The following POMGNT1 variants were observed in gnomAD, a reference collection of about 807,000 sequenced individuals.
The protein encoded by POMGNT1 is protein O-linked-mannose beta-1,2-N-acetylglucosaminyltransferase 1.
A neutral mutation model predicts 95.6 loss-of-function variants in POMGNT1; 67 were observed. That is an observed-to-expected ratio of 0.70 (90% CI 0.58 to 0.86). The LOEUF (loss-of-function observed/expected upper bound fraction) is 0.86. Ranked by LOEUF, POMGNT1 falls within the 40% of genes least tolerant of loss-of-function variation. The pLI is 0.00. For synonymous variants in POMGNT1, 298 were observed against 317.9 expected, an observed-to-expected ratio of 0.94 and a Z score of 0.66; for missense variants, 719 against 855.2, an observed-to-expected ratio of 0.84 and a Z score of 1.99.
chr1:46,196,845 C>T lies in POMGNT1; in HGVS notation c.240G>A (p.Glu80=), dbSNP rs1003665996. The part of the protein sequence containing the change: ...EDPEPEQDYD[E]ALGRLEPPRR... ...GTGGGGGCTCCAGGCGGCCTAGGGC[C>T]TCATCTGTGGGGTACAACAGGTCAT... The change falls in exon 4 of 22, where the codon GAG becomes GAA. Residue 80 remains glutamate (E), a synonymous_variant. Transcript: ENST00000371984. The surrounding 1 kb of genome is among the most constrained non-coding windows in gnomAD (Gnocchi z 4.4). The T allele has an allele frequency of 6.2e-7, 1 of 1,614,156 alleles. No homozygotes were observed. Among genetic ancestry groups the T allele is most frequent in the Admixed American group, 1.7e-5 (1 of 60,032 alleles).
chr1:46,192,861 A>C lies in POMGNT1; in HGVS notation c.1211+39T>G, dbSNP rs536313326. On this transcript the variant is annotated intron_variant, in intron 14 of 21. Transcript: ENST00000371984. Reference sequence around the variant, plus strand: ...CACCTCACTGACTCTTTCCCTGCAGACTGAGGGACCTCAACTGAAACCTAG... The same window carrying C: ...CACCTCACTGACTCTTTCCCTGCAGCCTGAGGGACCTCAACTGAAACCTAG... 3.7e-6 allele frequency: 6 copies of C among 1,612,844 alleles called. No homozygotes were observed. In the African/African-American group the frequency reaches 5.3e-5, roughly 14 times the overall value.
Position 46,188,770 on chromosome 1 carries a change from C to G in POMGNT1, c.*500G>C. Reference sequence around the variant, plus strand: ...AGAGAAGGCTGAGAGGAGGCCTGGTCCAGTGTCTAAGGGTCTCTGAGTGAG... The same window carrying G: ...AGAGAAGGCTGAGAGGAGGCCTGGTGCAGTGTCTAAGGGTCTCTGAGTGAG... On this transcript the variant is annotated 3_prime_UTR_variant, in exon 22 of 22. Coordinates refer to ENST00000371984, the MANE Select transcript of POMGNT1 (RefSeq NM_017739.4). 6.2e-7 allele frequency: 1 copy of G among 1,612,836 alleles called. No homozygotes were observed. Among genetic ancestry groups the G allele is most frequent in the Non-Finnish European group, 8.5e-7 (1 of 1,179,846 alleles).
intron 1 of POMGNT1, among the ~76,000 whole-genome samples, chr1:46,207,960 C>T (rs950773420): frequency 7.9e-5 from 12 of 151,516 alleles, no homozygotes; most frequent in African/African-American, 1.9e-4. Flanking sequence ...CTCTGCCTCC[C>T]GGGTTCAAGC....
chr1:46,189,806 G>C, intron 20 of POMGNT1, 48 bp downstream of exon 20: 1 of 1,611,812 alleles, frequency 6.2e-7, no homozygotes, highest in Non-Finnish European at 8.5e-7. Context: ...GGGGCAGTAT[G>C]TGTGTGAGGG....
upstream of POMGNT1, among the ~76,000 whole-genome samples, chr1:46,200,226 C>T (rs1658496857): frequency 6.6e-6 from 1 of 152,112 alleles, no homozygotes; most frequent in Non-Finnish European, 1.5e-5. Flanking sequence ...CTTCCTGACC[C>T]TCTTTTCTCC....
At chr1:46,190,847 ACCAG>A in intron 17 of POMGNT1, 63 bp from the exon 18 acceptor site, 1 of 1,442,950 alleles carries the variant, frequency 6.9e-7, no homozygotes, top group Non-Finnish European at 9.8e-7. Flanking sequence ...CCACTTGCTG[ACCAG>A]CCAGACATCT....
upstream of POMGNT1, among the ~76,000 whole-genome samples, chr1:46,200,305 G>A (rs908370410): frequency 3.3e-5 from 5 of 152,100 alleles, no homozygotes; most frequent in Admixed American, 6.5e-5. Flanking sequence ...TGCCCAAACT[G>A]ACATTGGCAG....
Position 46,198,016 on chromosome 1 carries a change from G to C in POMGNT1, c.-50-145C>G, listed in dbSNP as rs556067841. 1.6e-4 allele frequency: 122 copies of C among 752,236 alleles called. No homozygotes were observed. In the East Asian group the frequency reaches 3.1e-3, roughly 19 times the overall value. The allele number at this position is 752,236 out of a possible 1,614,324, so 46.6% of individuals were successfully genotyped here. ...TGGGGAAAGTGGCTCAACTTCTCTGGGCTGGCAGGAAACCCTTCAGTGGGG... is the reference window on the plus strand; with the variant it reads ...TGGGGAAAGTGGCTCAACTTCTCTGCGCTGGCAGGAAACCCTTCAGTGGGG... On this transcript the variant is annotated intron_variant, in intron 1 of 21. Transcript: ENST00000371984.
In POMGNT1 at chr1:46,194,542, A is replaced by G. The variant is rs1571662569; in HGVS notation, c.751+11T>C. 6.2e-7 allele frequency: 1 copy of G among 1,613,880 alleles called. No individual in the cohort carries two copies. Among genetic ancestry groups the G allele is most frequent in the East Asian group, 2.2e-5 (1 of 44,836 alleles). Reference sequence around the variant, plus strand: ...CCAGGCCCTGCCCCATCCATGCTCCACTAACTCCACCTTCTGCTGAGCTCA... The same window carrying G: ...CCAGGCCCTGCCCCATCCATGCTCCGCTAACTCCACCTTCTGCTGAGCTCA... On this transcript the variant is annotated intron_variant, in intron 8 of 21. Coordinates refer to ENST00000371984, the MANE Select transcript of POMGNT1 (RefSeq NM_017739.4).
Position 46,196,868 on chromosome 1 carries a change from C to G in POMGNT1, c.236-19G>C. ...GCCTCATCTGTGGGGTACAACAGGTCATGGAGATAGTCTCCTCAGCAGAGT... is the reference window on the plus strand; with the variant it reads ...GCCTCATCTGTGGGGTACAACAGGTGATGGAGATAGTCTCCTCAGCAGAGT... On this transcript the variant is annotated intron_variant, in intron 3 of 21. Coordinates refer to ENST00000371984, the MANE Select transcript of POMGNT1 (RefSeq NM_017739.4). The surrounding 1 kb of genome is among the most constrained non-coding windows in gnomAD (Gnocchi z 4.4). 1 of 1,614,160 alleles carries G rather than the reference C, an allele frequency of 6.2e-7. No individual in the cohort carries two copies. The highest frequency in any genetic ancestry group is 8.5e-7 in the Non-Finnish European group (1 of 1,180,030).
At chr1:46,193,148 C>T (rs1657922558) in intron 13 of POMGNT1, 26 bp downstream of exon 13, 1 of 1,613,910 alleles carries the variant, frequency 6.2e-7, no homozygotes, top group Non-Finnish European at 8.5e-7. Context: ...CCTCCCAGGC[C>T]CAAGAGTTGT....
chr1:46,220,115 G>A (rs1320467863), exon 1 of POMGNT1: 5 of 1,614,200 alleles, frequency 3.1e-6, no homozygotes, highest in Non-Finnish European at 4.2e-6. Context: ...CAGGGGAGAG[G>A]CTTCAAGGTG....
chr1:46,195,227 C>G (rs952856024), intron 6 of POMGNT1, among the ~76,000 whole-genome samples: 1 of 152,222 alleles, frequency 6.6e-6, no homozygotes, highest in Non-Finnish European at 1.5e-5. Context: ...TCCAACCACT[C>G]TCCTACTCTC....
intron 1 of POMGNT1, among the ~76,000 whole-genome samples, chr1:46,218,003 A>T (rs1431550609): frequency 1.3e-5 from 2 of 152,176 alleles, no homozygotes; most frequent in South Asian, 2.1e-4. Context: ...AATAAATAAT[A>T]ATAGTTGTTT....
Position 46,190,495 on chromosome 1 carries a change from C to A in POMGNT1, c.1627G>T (p.Val543Leu). Residue 543 changes from valine to leucine, a missense_variant, in exon 19 of 22, where the codon GTG (valine) becomes TTG (leucine). Physicochemically the swap from Val to Leu is conservative, Grantham distance 32. This residue lies in a region of POMGNT1 where 130 missense variants were observed against 149.2 expected (regional missense o/e 0.87). Transcript: ENST00000371984. ...VDSLKKEAYE[V>L]EVHRLLSEAE... ...TACCTGAGCAGCCTGTGAACTTCCACTTCATAAGCTTCTTTCTTCAGACTG... is the reference window on the plus strand; with the variant it reads ...TACCTGAGCAGCCTGTGAACTTCCAATTCATAAGCTTCTTTCTTCAGACTG... 3 of 1,606,780 alleles carry A rather than the reference C, an allele frequency of 1.9e-6. No homozygotes were observed. Among genetic ancestry groups the A allele is most frequent in the South Asian group, 1.1e-5 (1 of 90,944 alleles).
rs573518562 is a variant in POMGNT1, at chr1:46,192,147, C to T, written c.1490G>A (p.Arg497Gln). 9.9e-6 allele frequency: 16 copies of T among 1,613,994 alleles called. No individual in the cohort carries two copies. The highest frequency in any genetic ancestry group is 9.9e-5 in the South Asian group (9 of 91,072). ...GCCGACGATGCCAAAGTGGTAGGAT[C>T]GGGAAACGTCAGGGATGATGCACTC... ...GRECIIPDVS[R>Q]SYHFGIVGLN... Residue 497 changes from arginine to glutamine, a missense_variant, in exon 17 of 22, where the codon CGA becomes CAA. Arg to Gln is a conservative substitution (Grantham distance 43). Transcript: ENST00000371984.
intron 1 of POMGNT1, among the ~76,000 whole-genome samples, chr1:46,210,822 T>G (rs568773335): frequency 6.6e-6 from 1 of 152,294 alleles, no homozygotes; most frequent in African/African-American, 2.4e-5. Context: ...TTGCCCAGGT[T>G]GGAGTACAGT....
intron 6 of POMGNT1, chr1:46,195,485 T>A (rs984462678): frequency 1.4e-4 from 56 of 402,572 alleles, no homozygotes; most frequent in Non-Finnish European, 2.5e-4. Flanking sequence ...ATTTTCTTCT[T>A]TATACAAGTT....
exon 1 of POMGNT1, chr1:46,219,805 G>A (rs1659177056): frequency 6.2e-7 from 1 of 1,614,118 alleles, no homozygotes; most frequent in Non-Finnish European, 8.5e-7. Context: ...ACGTTGACCA[G>A]TCATTGCAGC....
Sources: allele counts gnomAD v4.1 joint callset (sites outside exome capture counted in the v4.1 genomes callset), GRCh38; gene constraint gnomAD v4.1.1; regional missense constraint gnomAD v4.1.1; non-coding constraint Gnocchi (gnomAD v3.1); transcripts MANE v1.5; gene names NCBI Gene and HGNC (gene_info 2026-07-23, HGNC 2026-07-21).